Variants in SEPTIN1 observed in about 807,000 individuals in gnomAD.
SEPTIN1 encodes the protein septin 1.
In SEPTIN1, 52 loss-of-function variants were observed where a neutral mutation model predicts 50.7. The ratio of observed to expected loss-of-function variants is 1.03; its 90% CI spans 0.82 to 1.29. The LOEUF is 1.29. Among genes scored for constraint, SEPTIN1 ranks in the 50% most tolerant of loss-of-function variants. SEPTIN1 has a pLI of 0.00. For missense variants in SEPTIN1, 455 were observed against 490.7 expected (o/e 0.93, Z 0.69); for synonymous variants, 204 against 189.1 (o/e 1.08, Z -0.65).
intron 8 of SEPTIN1, 109 bp from the exon 9 acceptor site, chr16:30,379,292 C>T: frequency 1.3e-6 from 2 of 1,490,976 alleles, no homozygotes; most frequent in Admixed American, 1.8e-5. Flanking sequence ...GCGGAGGGTC[C>T]GCGGTCTGCA....
In SEPTIN1 at chr16:30,378,445, C is replaced by T; in HGVS notation, c.1108G>A (p.Asp370Asn). 3.2e-6 allele frequency: 5 copies of T among 1,572,952 alleles called. No homozygotes were observed. Among genetic ancestry groups the T allele is most frequent in the Non-Finnish European group, 4.3e-6 (5 of 1,167,172 alleles). ...QQSQAQGEQS[D>N]AL ...GGCGGGGCGTGGCCTCAGAGGGCGTCTGACTGCTCGCCCTGGGCCTGGCTC... is the reference window on the plus strand; with the variant it reads ...GGCGGGGCGTGGCCTCAGAGGGCGTTTGACTGCTCGCCCTGGGCCTGGCTC... The change falls in exon 11 of 11, where the codon GAC (aspartate) becomes AAC (asparagine). Residue 370 changes from aspartate (D) to asparagine (N), a missense_variant. By Grantham distance (23) the Asp-to-Asn change is conservative (BLOSUM62 1). Coordinates refer to ENST00000321367, the MANE Select transcript of SEPTIN1 (RefSeq NM_001365977.2).
In SEPTIN1 at chr16:30,380,028, C is replaced by T. The variant is rs1346335632; in HGVS notation, c.579G>A (p.Arg193=). 2 of 1,610,264 alleles carry T rather than the reference C, an allele frequency of 1.2e-6. No individual in the cohort carries two copies. Among genetic ancestry groups the T allele is most frequent in the Admixed American group, 1.7e-5 (1 of 59,440 alleles). Residue 193 remains arginine (R), a synonymous_variant, in exon 7 of 11, where the codon CGG becomes CGA. Coordinates refer to ENST00000321367, the MANE Select transcript of SEPTIN1 (RefSeq NM_001365977.2). ...GGATCTCCTCTTCCTTCAACTGATC[C>T]CGGATCTCAGGGGAAACAGATATAG... ...QETQALKQKI[R]DQLKEEEIHI...
At chr16:30,380,794 G>T in intron 6 of SEPTIN1, 2 of 330,276 alleles carry the variant, frequency 6.1e-6, no homozygotes, top group Non-Finnish European at 1.1e-5. Context: ...GAGAAAGAGA[G>T]GCCGAGAGAG....
In SEPTIN1 at chr16:30,378,261, C is replaced by A. The variant is rs1267789140; in HGVS notation, c.*173G>T. ...GGGAAGTGGGCGGTGTCTGGGTGGG[C>A]GGGACCAGCGCCGGGGCGGGGCTAC... is the stretch of plus-strand genomic sequence containing the variant. On this transcript the variant is annotated 3_prime_UTR_variant, in exon 11 of 11. Coordinates refer to ENST00000321367, the MANE Select transcript of SEPTIN1 (RefSeq NM_001365977.2). 2 of 665,374 alleles carry A rather than the reference C, an allele frequency of 3.0e-6. No individual in the cohort carries two copies. The highest frequency in any genetic ancestry group is 5.1e-6 in the Non-Finnish European group (2 of 393,502). The allele number at this position is 665,374 out of a possible 1,614,324, so 41.2% of individuals were successfully genotyped here.
At chr16:30,378,580 C>T (rs1003183055) in intron 10 of SEPTIN1, 30 bp downstream of exon 10, 3 of 1,608,812 alleles carry the variant, frequency 1.9e-6, no homozygotes, top group East Asian at 4.5e-5. Flanking sequence ...CCTGGGGCAT[C>T]GGTCGGGGGG....
Position 30,378,191 on chromosome 16 carries a change from T to G in SEPTIN1, c.*243A>C, listed in dbSNP as rs1282514859. 1 of 698,516 alleles carries G rather than the reference T, an allele frequency of 1.4e-6. No individual in the cohort carries two copies. The highest frequency in any genetic ancestry group is 2.6e-6 in the Non-Finnish European group (1 of 389,092). The allele number at this position is 698,516 out of a possible 1,614,324, so 43.3% of individuals were successfully genotyped here. A position where few individuals can be genotyped will look rare whatever the true frequency, so the allele number is the denominator to read the frequency against. On this transcript the variant is annotated 3_prime_UTR_variant, in exon 11 of 11. Coordinates refer to ENST00000321367, the MANE Select transcript of SEPTIN1 (RefSeq NM_001365977.2). The stretch of plus-strand genomic sequence containing the variant: ...CAGAGTCTGGGAGAAGAAGGGGGAC[T>G]CCGGAAGACAGTGATGCGGTCGGAG...
Position 30,382,147 on chromosome 16 carries a change from T to C in SEPTIN1, c.142A>G (p.Asn48Asp). 1 of 1,598,724 alleles carries C rather than the reference T, an allele frequency of 6.3e-7. No individual in the cohort carries two copies. Among genetic ancestry groups the C allele is most frequent in the African/African-American group, 1.3e-5 (1 of 74,550 alleles). The change falls in exon 3 of 11, where the codon AAC becomes GAC. Residue 48 changes from asparagine (N) to aspartate (D), a missense_variant. Physicochemically the swap from Asn to Asp is conservative, Grantham distance 23. Coordinates refer to ENST00000321367, the MANE Select transcript of SEPTIN1 (RefSeq NM_001365977.2). This position sits in a 1 kb window ranked among gnomAD's most constrained non-coding sequence, Gnocchi z 4.8. ...ESGLGKSTLI[N>D]SLFLTNLYED... Reference sequence around the variant, plus strand: ...TAGAGGTTGGTGAGGAAGAGGCTGTTGATGAGGGTGGATTTCCCTAGGCCT... The same window carrying C: ...TAGAGGTTGGTGAGGAAGAGGCTGTCGATGAGGGTGGATTTCCCTAGGCCT...
At position 30,382,439 on chromosome 16, in the gene SEPTIN1, G is replaced by T; in HGVS notation, c.19-74C>A. On this transcript the variant is annotated intron_variant, in intron 1 of 10. Transcript: ENST00000321367. This position sits in a 1 kb window ranked among gnomAD's most constrained non-coding sequence, Gnocchi z 4.8. The stretch of plus-strand genomic sequence containing the variant: ...GTCCCCAGGATCACTTGAGTTCCTG[G>T]GCTAGGAAGAGTCAGTGGGGTCTGG... 1 of 1,569,644 alleles carries T rather than the reference G, an allele frequency of 6.4e-7. No homozygotes were observed. The highest frequency in any genetic ancestry group is 8.7e-7 in the Non-Finnish European group (1 of 1,147,022).
rs201797355 is a variant in SEPTIN1 at position 30,382,274 on chromosome 16, C to T, written c.109+1G>A. The T allele has an allele frequency of 5.3e-5, 85 of 1,613,548 alleles. No homozygotes were observed. The highest frequency in any genetic ancestry group is 6.6e-5 in the Non-Finnish European group (78 of 1,179,716). On this transcript the variant is annotated splice_donor_variant, in intron 2 of 10. Transcript: ENST00000321367. LOFTEE classifies it high-confidence loss of function. This position sits in a 1 kb window ranked among gnomAD's most constrained non-coding sequence, Gnocchi z 4.8. The stretch of plus-strand genomic sequence containing the variant: ...CAGTTCCCTCTCCAAAACCCCCAGA[C>T]CTGCCACCATTAGCGTGAAGTCAAA...
rs1212008261 is a variant in SEPTIN1, at chr16:30,381,981, G to T, written c.197-98C>A. The T allele has an allele frequency of 5.0e-6, 8 of 1,603,666 alleles. No individual in the cohort carries two copies. In the East Asian group the frequency reaches 1.8e-4, roughly 36 times the overall value. On this transcript the variant is annotated intron_variant, in intron 3 of 10. Transcript: ENST00000321367. This position sits in a 1 kb window ranked among gnomAD's most constrained non-coding sequence, Gnocchi z 4.3. ...AGTTGCCTGCACCCATTTCCCAGGG[G>T]AGGAAAGTCTCAGAAAAAAAGCAGT...
rs1221665157 is a variant in SEPTIN1 at position 30,381,951 on chromosome 16, A to G, written c.197-68T>C. On this transcript the variant is annotated intron_variant, in intron 3 of 10. Coordinates refer to ENST00000321367, the MANE Select transcript of SEPTIN1 (RefSeq NM_001365977.2). This position sits in a 1 kb window ranked among gnomAD's most constrained non-coding sequence, Gnocchi z 4.3. ...GGCAGAATTAATTTCCTTTGTCAAT[A>G]TCACAGTTGCCTGCACCCATTTCCC... 2.5e-6 allele frequency: 4 copies of G among 1,608,224 alleles called. No individual in the cohort carries two copies. The African/African-American group carries it at 4.0e-5, about 16-fold the overall frequency.
rs894767954 is a variant in SEPTIN1, at chr16:30,379,036, C to T, written c.923G>A (p.Arg308His). Residue 308 changes from arginine (R) to histidine (H), a missense_variant, in exon 9 of 11, where the codon CGC (arginine) becomes CAC (histidine). Physicochemically the swap from Arg to His is conservative, Grantham distance 29. Coordinates refer to ENST00000321367, the MANE Select transcript of SEPTIN1 (RefSeq NM_001365977.2). ...GTCTCACCTGCGGCTGGCTCGATCG[C>T]GAGCCCCAGGCCGGGCCAGGCTCTG... is the stretch of plus-strand genomic sequence containing the variant. Reference protein sequence around the residue: ...CLQSLARPGARDRASRSKLSR... With the variant: ...CLQSLARPGAHDRASRSKLSR... The T allele has an allele frequency of 6.2e-7, 1 of 1,613,034 alleles. No individual in the cohort carries two copies. Among genetic ancestry groups the T allele is most frequent in the Non-Finnish European group, 8.5e-7 (1 of 1,179,804 alleles).
At position 30,378,470 on chromosome 16, in the gene SEPTIN1, C is replaced by G; in HGVS notation, c.1083G>C (p.Gln361His). Residue 361 changes from glutamine (Q) to histidine (H), a missense_variant, in exon 11 of 11, where the codon CAG becomes CAC. Gln to His is a conservative substitution (Grantham distance 24). Transcript: ENST00000321367. ...CTGACTGCTCGCCCTGGGCCTGGCT[C>G]TGCTGCATTTGGGCCTGCATCTTCT... is the stretch of plus-strand genomic sequence containing the variant. ...MLEKMQAQMQQSQAQGEQSDA... is the reference protein window; with the variant it reads ...MLEKMQAQMQHSQAQGEQSDA... 1 of 1,577,464 alleles carries G rather than the reference C, an allele frequency of 6.3e-7. No homozygotes were observed. Among genetic ancestry groups the G allele is most frequent in the Non-Finnish European group, 8.6e-7 (1 of 1,164,792 alleles).
rs752517719 is a variant in SEPTIN1 at position 30,380,004 on chromosome 16, G to C, written c.603C>G (p.Ile201Met). ...KIRDQLKEEE[I>M]HIYQFPECDS... is the part of the protein sequence containing the mutation. ...CACATTCGGGGAACTGGTAGATGTG[G>C]ATCTCCTCTTCCTTCAACTGATCCC... Residue 201 changes from isoleucine to methionine, a missense_variant, in exon 7 of 11, where the codon ATC (isoleucine) becomes ATG (methionine). Coordinates refer to ENST00000321367, the MANE Select transcript of SEPTIN1 (RefSeq NM_001365977.2). The C allele has an allele frequency of 3.1e-6, 5 of 1,612,632 alleles. No individual in the cohort carries two copies. In the East Asian group the frequency reaches 1.1e-4, roughly 36 times the overall value.
Position 30,381,026 on chromosome 16 carries a change from T to A in SEPTIN1, c.573+101A>T. The A allele has an allele frequency of 1.1e-6, 1 of 941,366 alleles. No individual in the cohort carries two copies. The highest frequency in any genetic ancestry group is 1.7e-6 in the Non-Finnish European group (1 of 574,806). 58.3% of individuals were successfully genotyped at this position (941,366 alleles called of 1,614,324 possible). On this transcript the variant is annotated intron_variant, in intron 6 of 10. Transcript: ENST00000321367. The surrounding 1 kb of genome is among the most constrained non-coding windows in gnomAD (Gnocchi z 4.3). ...AAGCTTCTCCTACAATCTAGCCTGA[T>A]GCACCATGCTCCAGAAAGGCCACTT...
chr16:30,381,461 C>G lies in SEPTIN1; in HGVS notation c.333G>C (p.Val111=). ...CAAATTGCTCCTCGATGAATTTCAC[C>G]ACCGGAAGCCAGCTGGGTGTGGGGA... ...SVDCSDCWLP[V]VKFIEEQFEQ... The change falls in exon 5 of 11, where the codon GTG becomes GTC. Residue 111 remains valine (V), a synonymous_variant. Coordinates refer to ENST00000321367, the MANE Select transcript of SEPTIN1 (RefSeq NM_001365977.2). The surrounding 1 kb of genome is among the most constrained non-coding windows in gnomAD (Gnocchi z 4.3). 1 of 1,614,000 alleles carries G rather than the reference C, an allele frequency of 6.2e-7. No homozygotes were observed. The highest frequency in any genetic ancestry group is 8.5e-7 in the Non-Finnish European group (1 of 1,180,008).
Position 30,381,608 on chromosome 16 carries a change from T to C in SEPTIN1, c.321-135A>G. The C allele has an allele frequency of 6.9e-7, 1 of 1,453,378 alleles. No individual in the cohort carries two copies. The highest frequency in any genetic ancestry group is 9.4e-7 in the Non-Finnish European group (1 of 1,061,552). 90.0% of individuals were successfully genotyped at this position (1,453,378 alleles called of 1,614,324 possible). A position where few individuals can be genotyped will look rare whatever the true frequency, so the allele number is the denominator to read the frequency against. On this transcript the variant is annotated intron_variant, in intron 4 of 10. Coordinates refer to ENST00000321367, the MANE Select transcript of SEPTIN1 (RefSeq NM_001365977.2). This position sits in a 1 kb window ranked among gnomAD's most constrained non-coding sequence, Gnocchi z 4.3. ...ACATTAAGGGGAACTGGTGGGGGCC[T>C]AGGTGAGTCATCAAGAAGCACAGGG...
chr16:30,380,091 T>A, intron 6 of SEPTIN1, 58 bp from the exon 7 acceptor site: 1 of 1,437,370 alleles, frequency 7.0e-7, no homozygotes, highest in Non-Finnish European at 9.5e-7. Flanking sequence ...AGACATTTCA[T>A]GACCAGAGAC....
intron 7 of SEPTIN1, 33 bp downstream of exon 7, chr16:30,379,899 G>T (rs200932516): frequency 1.7e-6 from 2 of 1,203,554 alleles, no homozygotes; most frequent in Non-Finnish European, 2.5e-6. Flanking sequence ...GAGCCACCGT[G>T]CCCGGCCTGC....
Sources: gnomAD v4.1 joint callset for allele counts on GRCh38, gnomAD v4.1.1 for gene constraint, Gnocchi (gnomAD v3.1) non-coding constraint, MANE v1.5 for transcripts, NCBI Gene and HGNC (gene_info 2026-07-23, HGNC 2026-07-21) for gene names.